Variants in CYB5R4 observed in about 807,000 individuals in gnomAD.
CYB5R4 encodes the protein N-terminal cytochrome b5 and cytochrome b5 oxidoreductase domain-containing protein.
A neutral mutation model predicts 70.2 loss-of-function variants in CYB5R4; 55 were observed. That is an observed-to-expected ratio of 0.78 (90% CI 0.63 to 0.98). The LOEUF is 0.98. Among genes scored for constraint, CYB5R4 ranks in the 50% least tolerant of loss-of-function variants. CYB5R4 has a pLI of 0.00. For synonymous variants in CYB5R4, 197 were observed against 199.5 expected, an observed-to-expected ratio of 0.99 and a Z score of 0.11; for missense variants, 562 against 612.6, an observed-to-expected ratio of 0.92 and a Z score of 0.87.
chr6:83,859,983 G>A, intron 1 of CYB5R4, 126 bp downstream of exon 1: 1 of 860,964 alleles, frequency 1.2e-6, no homozygotes. Context: ...TGCTGTCCTT[G>A]CCTGCAACCT....
chr6:83,919,582 T>C (rs1209773822), intron 7 of CYB5R4, 128 bp downstream of exon 7: 3 of 447,278 alleles, frequency 6.7e-6, no homozygotes, highest in African/African-American at 2.1e-5. Context: ...ATAGTATTGT[T>C]ATCCCTTTTG....
chr6:83,923,994 C>A (rs571238269), intron 9 of CYB5R4, among the ~76,000 whole-genome samples: 60 of 138,680 alleles, frequency 4.3e-4, no homozygotes, highest in Non-Finnish European at 3.6e-4. Context: ...GGCGTGAACC[C>A]GGGAGGCGGA....
intron 3 of CYB5R4, among the ~76,000 whole-genome samples, chr6:83,896,043 A>G (rs1457365232): frequency 6.6e-6 from 1 of 152,000 alleles, no homozygotes; most frequent in Admixed American, 6.6e-5. Flanking sequence ...ATATCAAGTC[A>G]TTTTCTTTCC....
chr6:83,911,194 C>G (rs1403655637), intron 4 of CYB5R4, among the ~76,000 whole-genome samples: 1 of 151,834 alleles, frequency 6.6e-6, no homozygotes, highest in Non-Finnish European at 1.5e-5. Context: ...TGCTTGAGCC[C>G]AGGATTTTGA....
At chr6:83,893,009 C>T (rs2099461364) in intron 2 of CYB5R4, among the ~76,000 whole-genome samples, 1 of 152,166 alleles carries the variant, frequency 6.6e-6, no homozygotes, top group Admixed American at 6.6e-5. Context: ...GCATTGTGAA[C>T]AACCTTGAAT....
At chr6:83,892,318 A>G (rs1030252370) in intron 2 of CYB5R4, among the ~76,000 whole-genome samples, 3 of 152,030 alleles carry the variant, frequency 2.0e-5, no homozygotes, top group African/African-American at 7.2e-5. Flanking sequence ...CTGAAATCCA[A>G]CCTCTTCTTT....
intron 2 of CYB5R4, among the ~76,000 whole-genome samples, chr6:83,866,571 G>A (rs541734647): frequency 6.6e-6 from 1 of 151,524 alleles, no homozygotes; most frequent in Admixed American, 6.6e-5. Flanking sequence ...TGATTTGAAT[G>A]TATAGCACCT....
chr6:83,901,168 A>G (rs1055468895), intron 3 of CYB5R4, among the ~76,000 whole-genome samples: 3 of 152,114 alleles, frequency 2.0e-5, no homozygotes, highest in Non-Finnish European at 4.4e-5. Flanking sequence ...GGTGGTGACA[A>G]AATCTCTCAG....
At position 83,955,418 on chromosome 6, in the gene CYB5R4, C is replaced by T. The variant is rs775121428; in HGVS notation, c.1467C>T (p.Leu489=). The change falls in exon 15 of 16, where the codon CTC becomes CTT. Residue 489 remains leucine, a synonymous_variant. Transcript: ENST00000369681. Reference sequence around the variant, plus strand: ...GAAATTTGGACAAATCCAAAGTTCTCGTCTGCATTTGTGGACCAGTGCCAT... The same window carrying T: ...GAAATTTGGACAAATCCAAAGTTCTTGTCTGCATTTGTGGACCAGTGCCAT... ...LKRNLDKSKV[L]VCICGPVPFT... The T allele has an allele frequency of 1.4e-5, 23 of 1,613,736 alleles. No homozygotes were observed. The highest frequency in any genetic ancestry group is 4.0e-5 in the African/African-American group (3 of 74,890).
intron 2 of CYB5R4, among the ~76,000 whole-genome samples, chr6:83,882,704 C>T (rs934428997): frequency 1.3e-5 from 2 of 152,138 alleles, no homozygotes; most frequent in African/African-American, 2.4e-5. Context: ...ATATATGATA[C>T]AGGCCCGGCG....
intron 5 of CYB5R4, among the ~76,000 whole-genome samples, chr6:83,914,857 A>C (rs1032761560): frequency 8.3e-6 from 1 of 120,842 alleles, no homozygotes; most frequent in African/African-American, 3.2e-5. Flanking sequence ...TTTTTTTTTT[A>C]ATATGAAAGA....
At chr6:83,914,538 TTTC>T in intron 5 of CYB5R4, 90 bp downstream of exon 5, 1 of 1,169,454 alleles carries the variant, frequency 8.6e-7, no homozygotes, top group Non-Finnish European at 1.1e-6. Flanking sequence ...TTTAAATTTT[TTTC>T]TTTTTTTTCT....
chr6:83,934,829 T>C, intron 11 of CYB5R4, 94 bp downstream of exon 11: 1 of 1,158,122 alleles, frequency 8.6e-7, no homozygotes, highest in African/African-American at 1.6e-5. Flanking sequence ...ATTTAAGTTA[T>C]TAATAAATGT....
At chr6:83,880,932 G>C (rs183564211) in intron 2 of CYB5R4, among the ~76,000 whole-genome samples, 2 of 152,260 alleles carry the variant, frequency 1.3e-5, no homozygotes, top group Admixed American at 6.5e-5. Context: ...TTAGGAATGG[G>C]TGGTGGTGGT....
intron 12 of CYB5R4, 98 bp downstream of exon 12, chr6:83,936,474 A>G: frequency 9.4e-7 from 1 of 1,065,858 alleles, no homozygotes. Context: ...GATATCTTTA[A>G]CTCAACATGT....
At position 83,959,811 on chromosome 6, in the gene CYB5R4, AT is replaced by A. The variant is rs1233119723; in HGVS notation, c.1512-10del. ...TTTCCCTAAGAAACATGTGCTTTTTATTTGTTTTTCAGGTTGCTGCATGATC... is the reference window on the plus strand; with the variant it reads ...TTTCCCTAAGAAACATGTGCTTTTTATTGTTTTTCAGGTTGCTGCATGATC... On this transcript the variant is annotated splice_polypyrimidine_tract_variant and intron_variant, in intron 15 of 15. Coordinates refer to ENST00000369681, the MANE Select transcript of CYB5R4 (RefSeq NM_016230.4). The A allele has an allele frequency of 6.3e-7, 1 of 1,592,558 alleles. No individual in the cohort carries two copies. Among genetic ancestry groups the A allele is most frequent in the African/African-American group, 1.3e-5 (1 of 74,502 alleles).
chr6:83,907,519 C>T (rs769810947), intron 3 of CYB5R4, among the ~76,000 whole-genome samples: 8 of 150,650 alleles, frequency 5.3e-5, no homozygotes, highest in Non-Finnish European at 1.0e-4. Flanking sequence ...GGTACGTGTG[C>T]AGGTTTGTTA....
At chr6:83,952,122 G>A (rs1459443947) in intron 14 of CYB5R4, among the ~76,000 whole-genome samples, 1 of 152,072 alleles carries the variant, frequency 6.6e-6, no homozygotes, top group Non-Finnish European at 1.5e-5. Flanking sequence ...AAAGAGAGAG[G>A]GGAAATAAAG....
At chr6:83,865,805 A>G (rs1431874526) in intron 2 of CYB5R4, among the ~76,000 whole-genome samples, 1 of 152,182 alleles carries the variant, frequency 6.6e-6, no homozygotes, top group Non-Finnish European at 1.5e-5. Context: ...AAGGGTATGG[A>G]AACTTCCAGC....
Sources: allele counts gnomAD v4.1 joint callset (sites outside exome capture counted in the v4.1 genomes callset), GRCh38; gene constraint gnomAD v4.1.1; transcripts MANE v1.5; gene names NCBI Gene and HGNC (gene_info 2026-07-23, HGNC 2026-07-21).